The following C14orf39 variants were observed in gnomAD, a reference collection of about 807,000 sequenced individuals.
C14orf39 encodes the protein chromosome 14 open reading frame 39.
In C14orf39, 66 loss-of-function variants were observed where a neutral mutation model predicts 85.6. The ratio of observed to expected loss-of-function variants is 0.77; its 90% CI spans 0.63 to 0.95. The LOEUF is 0.95. Among genes scored for constraint, C14orf39 ranks in the 40% least tolerant of loss-of-function variants. C14orf39 has a pLI of 0.00. For synonymous variants in C14orf39, 242 were observed against 214.0 expected, an observed-to-expected ratio of 1.13 and a Z score of -1.14; for missense variants, 735 against 663.9, an observed-to-expected ratio of 1.11 and a Z score of -1.18.
rs1379534184 is a variant in C14orf39 at position 60,515,441 on chromosome 14, G to A, written c.-190C>T. On this transcript the variant is annotated 5_prime_UTR_variant, in exon 1 of 6. Coordinates refer to the C14orf39 transcript ENST00000556799. The surrounding 1 kb of genome is among the most constrained non-coding windows in gnomAD (Gnocchi z 6.2). ...GAACTCGCGGACGTGTAGGCCTCGA[G>A]CCACTCCTACTGTTGGGCTGCGTGA... is the stretch of plus-strand genomic sequence containing the variant. The A allele has an allele frequency of 1.3e-5, 2 of 152,008 alleles. No individual in the cohort carries two copies. Among genetic ancestry groups the A allele is most frequent in the Non-Finnish European group, 2.9e-5 (2 of 68,002 alleles). The allele number at this position is 152,008 out of a possible 1,614,324, so 9.4% of individuals were successfully genotyped here.
intron 4 of C14orf39, among the ~76,000 whole-genome samples, chr14:60,479,987 T>A (rs2140150824): frequency 6.6e-6 from 1 of 152,296 alleles, no homozygotes. Context: ...GCAAAGGATC[T>A]GAATAGACAT....
intron 16 of C14orf39, among the ~76,000 whole-genome samples, chr14:60,447,601 GAA>G (rs1410039070): frequency 3.3e-5 from 5 of 152,136 alleles, no homozygotes; most frequent in Non-Finnish European, 7.4e-5. Flanking sequence ...TCAATATCGT[GAA>G]AATGGCCATA....
intron 1 of C14orf39, among the ~76,000 whole-genome samples, chr14:60,501,743 C>A (rs1893152379): frequency 1.3e-5 from 2 of 152,088 alleles, no homozygotes; most frequent in African/African-American, 4.8e-5. Flanking sequence ...TTCAAAATAA[C>A]CTATTGCTTG....
At position 60,471,640 on chromosome 14, in the gene C14orf39, C is replaced by T; in HGVS notation, c.423G>A (p.Lys141=). The T allele has an allele frequency of 6.2e-7, 1 of 1,610,994 alleles. No individual in the cohort carries two copies. Among genetic ancestry groups the T allele is most frequent in the Non-Finnish European group, 8.5e-7 (1 of 1,178,254 alleles). The change falls in exon 6 of 18, where the codon AAG becomes AAA. Residue 141 remains lysine (K), a synonymous_variant. Transcript: ENST00000321731. The part of the protein sequence containing the change: ...ETPFSREYYE[K]KREHEEIQSR... ...TTTGAATTTCTTCATGTTCTCTTTT[C>T]TTCTCATAATATTCACGTGAAAAGG...
chr14:60,482,916 CATA>C lies in C14orf39; in HGVS notation c.233+772_233+774del, dbSNP rs201858196. 9.2e-3 allele frequency among the ~76,000 whole-genome samples: 773 copies of C among 84,160 alleles called. 2 individuals are homozygous for C. Among genetic ancestry groups the C allele is most frequent in the Non-Finnish European group, 0.018 (537 of 29,794 alleles). The allele number at this position is 84,160 out of a possible 152,430, so 55.2% of individuals were successfully genotyped here. On this transcript the variant is annotated intron_variant, in intron 4 of 17. Coordinates refer to ENST00000321731, the MANE Select transcript of C14orf39 (RefSeq NM_174978.3). ...TGTGTGTGTGTGTGTGTGTGGTGTG[CATA>C]ATAATGATGTTGACTCTTCAAGATC...
chr14:60,438,168 T>C (rs1412378003), intron 17 of C14orf39, among the ~76,000 whole-genome samples: 1 of 152,066 alleles, frequency 6.6e-6, no homozygotes, highest in Non-Finnish European at 1.5e-5. Flanking sequence ...ATTTAATAAC[T>C]TTATTTTTAT....
chr14:60,511,829 T>C (rs1162467772), intron 1 of C14orf39: 1 of 160,864 alleles, frequency 6.2e-6, no homozygotes, highest in Non-Finnish European at 1.4e-5. Flanking sequence ...TCAGATTCCT[T>C]TTCTTCTTAT....
upstream of C14orf39, among the ~76,000 whole-genome samples, chr14:60,490,906 T>C (rs533844971): frequency 3.3e-5 from 5 of 152,332 alleles, no homozygotes; most frequent in South Asian, 1.0e-3. Context: ...CTTGCTGGTG[T>C]CACTCATTCC....
intron 17 of C14orf39, among the ~76,000 whole-genome samples, chr14:60,438,585 C>T (rs113634806): frequency 3.9e-5 from 6 of 152,040 alleles, no homozygotes; most frequent in African/African-American, 1.2e-4. Context: ...TTTTAAAATC[C>T]TTGTCCTCAA....
chr14:60,479,445 C>T (rs1038887684), intron 4 of C14orf39, among the ~76,000 whole-genome samples: 16 of 152,096 alleles, frequency 1.1e-4, no homozygotes, highest in African/African-American at 2.4e-5. Flanking sequence ...ACTATGCTCT[C>T]GCTACCTGGG....
chr14:60,510,596 A>AG (rs1306684508), intron 1 of C14orf39, among the ~76,000 whole-genome samples: 1 of 152,010 alleles, frequency 6.6e-6, no homozygotes, highest in African/African-American at 2.4e-5. Flanking sequence ...CTCATCCCCC[A>AG]GGCCCAAATG....
chr14:60,436,016 C>A lies in C14orf39; in HGVS notation c.*829G>T, dbSNP rs1890234717. 1 of 152,076 alleles carries A rather than the reference C, an allele frequency of 6.6e-6. No homozygotes were observed. Among genetic ancestry groups the A allele is most frequent in the South Asian group, 2.1e-4 (1 of 4,816 alleles). The allele number at this position is 152,076 out of a possible 1,614,324, so 9.4% of individuals were successfully genotyped here. On this transcript the variant is annotated 3_prime_UTR_variant, in exon 18 of 18. Transcript: ENST00000321731. ...CAGCTAATTTACAAAGCACAAAATA[C>A]AATGATATTGAGCAAAATGTTTACA...
chr14:60,442,734 G>A (rs191949407), intron 16 of C14orf39, among the ~76,000 whole-genome samples: 59 of 152,186 alleles, frequency 3.9e-4, no homozygotes, highest in Non-Finnish European at 7.6e-4. Flanking sequence ...TCCCAACTTT[G>A]TTTTTTATAT....
At chr14:60,456,632 G>A (rs1595455708) in intron 15 of C14orf39, among the ~76,000 whole-genome samples, 1 of 151,972 alleles carries the variant, frequency 6.6e-6, no homozygotes, top group East Asian at 1.9e-4. Context: ...AAGTACGTGG[G>A]ATTTATGCCA....
rs1050764263 is a variant in C14orf39 at position 60,461,664 on chromosome 14, A to C, written c.973-71T>G. The C allele has an allele frequency of 1.5e-5, 12 of 775,140 alleles. No homozygotes were observed. In the African/African-American group the frequency reaches 2.1e-4, roughly 14 times the overall value. The allele number at this position is 775,140 out of a possible 1,614,324, so 48.0% of individuals were successfully genotyped here. The stretch of plus-strand genomic sequence containing the variant: ...AAAAATTTTTTGCTTGTCGTTAGCA[A>C]CTCAGAACTCTCATTTCATTAGTAT... On this transcript the variant is annotated intron_variant, in intron 11 of 17. Coordinates refer to ENST00000321731, the MANE Select transcript of C14orf39 (RefSeq NM_174978.3).
chr14:60,487,787 T>G (rs950106725), upstream of C14orf39, among the ~76,000 whole-genome samples: 2 of 152,212 alleles, frequency 1.3e-5, no homozygotes. Flanking sequence ...TTGTCAACAC[T>G]TGTTGCCTTT....
chr14:60,508,937 C>G (rs995569919), intron 1 of C14orf39: 3 of 184,728 alleles, frequency 1.6e-5, no homozygotes, highest in Non-Finnish European at 3.3e-5. Flanking sequence ...GCACTCGCCT[C>G]TCTTTTTCTC....
intron 1 of C14orf39, chr14:60,509,534 G>T: frequency 6.2e-7 from 1 of 1,609,192 alleles, no homozygotes; most frequent in Admixed American, 1.7e-5. Context: ...GGCCTGCGAG[G>T]CCCTCAACAA....
At chr14:60,501,212 T>C (rs919865221) in intron 1 of C14orf39, among the ~76,000 whole-genome samples, 3 of 148,652 alleles carry the variant, frequency 2.0e-5, no homozygotes, top group Non-Finnish European at 4.4e-5. Context: ...AAGGCTGAGG[T>C]GTGAGGATGG....
Sources: allele counts gnomAD v4.1 joint callset (sites outside exome capture counted in the v4.1 genomes callset), GRCh38; gene constraint gnomAD v4.1.1; non-coding constraint Gnocchi (gnomAD v3.1); transcripts MANE v1.5; gene names NCBI Gene and HGNC (gene_info 2026-07-23, HGNC 2026-07-21).